Variants in FSTL5 observed in about 807,000 individuals in gnomAD.
FSTL5 encodes follistatin like 5, also known as follistatin-related protein 5.
FSTL5 carries 62 observed loss-of-function variants against 89.1 expected under a neutral mutation model. The ratio of observed to expected loss-of-function variants is 0.70; its 90% confidence interval spans 0.57 to 0.86. The LOEUF (loss-of-function observed/expected upper bound fraction) is 0.86. Among genes scored for constraint, FSTL5 ranks in the 40% least tolerant of loss-of-function variants. The pLI is 0.00. For synonymous variants in FSTL5, 383 were observed against 346.2 expected (o/e 1.11, Z -1.18); for missense variants, 1,057 against 1,001.6 (o/e 1.06, Z -0.75).
At chr4:161,403,124 C>G (rs1029626679) in intron 15 of FSTL5, among the ~76,000 whole-genome samples, 34 of 152,266 alleles carry the variant, frequency 2.2e-4, no homozygotes, top group Admixed American at 7.8e-4. Context: ...CCATGGCGCC[C>G]GGCCCCCAGA....
chr4:161,492,832 T>A (rs1413140490), intron 12 of FSTL5, among the ~76,000 whole-genome samples: 1 of 152,058 alleles, frequency 6.6e-6, no homozygotes, highest in Non-Finnish European at 1.5e-5. Context: ...GACAACATGG[T>A]ATATAAAATA....
chr4:161,817,714 A>G (rs359140), intron 4 of FSTL5, among the ~76,000 whole-genome samples: 3,729 of 152,322 alleles, frequency 0.024, 109 homozygotes, highest in African/African-American at 0.072. Flanking sequence ...AGTCATGTAC[A>G]TGTGCGTGTG....
intron 5 of FSTL5, among the ~76,000 whole-genome samples, chr4:161,772,013 T>A (rs527580867): frequency 1.3e-5 from 2 of 152,184 alleles, no homozygotes; most frequent in East Asian, 1.9e-4. Context: ...CTTTTTGCTA[T>A]GACAACCTGC....
rs1364332996 is a variant in FSTL5 at position 161,620,187 on chromosome 4, T to G, written c.895-32612A>C. Among the ~76,000 whole-genome samples the G allele has an allele frequency of 3.2e-3, 298 of 94,570 alleles. 3 individuals are homozygous for G. The highest frequency in any genetic ancestry group is 0.013 in the African/African-American group (293 of 23,276). 62.0% of individuals were successfully genotyped at this position (94,570 alleles called of 152,430 possible). On this transcript the variant is annotated intron_variant, in intron 7 of 15. Coordinates refer to ENST00000306100, the MANE Select transcript of FSTL5 (RefSeq NM_020116.5). ...GGGAACATCACACTCTGGGGACTGT[T>G]GTGGGGTGGGGGGAGGGGGGAGGGA...
intron 4 of FSTL5, among the ~76,000 whole-genome samples, chr4:161,883,992 C>T (rs540207411): frequency 1.4e-4 from 22 of 152,148 alleles, no homozygotes; most frequent in African/African-American, 4.6e-4. Flanking sequence ...TTATGCTTAG[C>T]GGTCAGAATT....
At chr4:161,635,388 AAAAC>A (rs553570093) in intron 7 of FSTL5, among the ~76,000 whole-genome samples, 5 of 152,138 alleles carry the variant, frequency 3.3e-5, no homozygotes, top group African/African-American at 1.2e-4. Context: ...ACTCTGTCTC[AAAAC>A]AAACAAACAA....
intron 2 of FSTL5, among the ~76,000 whole-genome samples, chr4:162,058,574 C>A (rs922653889): frequency 6.6e-6 from 1 of 151,406 alleles, no homozygotes. Context: ...ATTACAGGCA[C>A]GCACCACCAT....
Position 161,587,857 on chromosome 4 carries a change from G to A in FSTL5, c.895-282C>T, listed in dbSNP as rs146988604. On this transcript the variant is annotated intron_variant, in intron 7 of 15. Coordinates refer to ENST00000306100, the MANE Select transcript of FSTL5 (RefSeq NM_020116.5). ...AAAGTAACTTAATTTCCACATATGT[G>A]TTCTAATTTAGTTCCCATTTTTAAG... is the stretch of plus-strand genomic sequence containing the variant. Among the ~76,000 whole-genome samples the A allele has an allele frequency of 6.5e-3, 984 of 152,084 alleles. 4 individuals carry two copies. The highest frequency in any genetic ancestry group is 0.01 in the Non-Finnish European group (687 of 67,984).
chr4:161,874,566 A>ATTTTT (rs375519679), intron 4 of FSTL5, among the ~76,000 whole-genome samples: 12,682 of 135,620 alleles, frequency 0.094, 812 homozygotes, highest in Non-Finnish European at 0.13. Flanking sequence ...TATATTTTAG[A>ATTTTT]TTTTTTTTTT....
chr4:162,133,418 C>T (rs1732400254), intron 1 of FSTL5, among the ~76,000 whole-genome samples: 1 of 152,170 alleles, frequency 6.6e-6, no homozygotes. Context: ...TTTTACAGCA[C>T]ACCAGGTAGG....
In FSTL5 at chr4:161,939,260, T is replaced by G. The variant is rs1027620588; in HGVS notation, c.161-18608A>C. On this transcript the variant is annotated intron_variant, in intron 3 of 15. Transcript: ENST00000306100. ...CTGATTTTCTTAGAATAAATAATTTTAAAATATCTCCATGTATTAAATTGG... is the reference window on the plus strand; with the variant it reads ...CTGATTTTCTTAGAATAAATAATTTGAAAATATCTCCATGTATTAAATTGG... Among the ~76,000 whole-genome samples, 5 of 151,980 alleles carry G rather than the reference T, an allele frequency of 3.3e-5. No homozygotes were observed. In the East Asian group the frequency reaches 9.6e-4, roughly 29 times the overall value.
At chr4:162,080,115 T>C (rs1730035387) in intron 2 of FSTL5, among the ~76,000 whole-genome samples, 1 of 151,612 alleles carries the variant, frequency 6.6e-6, no homozygotes, top group South Asian at 2.1e-4. Context: ...TTCTGCCTGG[T>C]CTATCACATA....
At chr4:161,845,276 G>A (rs1395342676) in intron 4 of FSTL5, among the ~76,000 whole-genome samples, 3 of 152,006 alleles carry the variant, frequency 2.0e-5, no homozygotes, top group African/African-American at 7.2e-5. Context: ...TTTTGTTTGA[G>A]TTTTGTTTTA....
chr4:161,876,464 A>C (rs940047485), intron 4 of FSTL5, among the ~76,000 whole-genome samples: 1 of 152,246 alleles, frequency 6.6e-6, no homozygotes, highest in African/African-American at 2.4e-5. Flanking sequence ...TTGGACAGCT[A>C]TTCATCTTAA....
At chr4:161,969,754 G>A (rs1735428663) in intron 3 of FSTL5, among the ~76,000 whole-genome samples, 2 of 152,158 alleles carry the variant, frequency 1.3e-5, no homozygotes, top group Non-Finnish European at 2.9e-5. Flanking sequence ...AGAAACAGAA[G>A]TTAGGATGAA....
chr4:161,603,797 G>C (rs1270653986), intron 7 of FSTL5, among the ~76,000 whole-genome samples: 1 of 152,042 alleles, frequency 6.6e-6, no homozygotes, highest in Non-Finnish European at 1.5e-5. Context: ...CAACGTACCT[G>C]AAAAATATTG....
rs201875392 is a variant in FSTL5 at position 161,671,163 on chromosome 4, C to CT, written c.728-14670dup. Among the ~76,000 whole-genome samples, 1,334 of 152,270 alleles carry CT rather than the reference C, an allele frequency of 8.8e-3. 14 individuals carry two copies. Among genetic ancestry groups the CT allele is most frequent in the African/African-American group, 0.029 (1,224 of 41,562 alleles). On this transcript the variant is annotated intron_variant, in intron 6 of 15. Transcript: ENST00000306100. ...AAGTTTATTGACAAATTCTTAGCTCCTTTTTTTACATTGTGCATATCACCA... is the reference window on the plus strand; with the variant it reads ...AAGTTTATTGACAAATTCTTAGCTCCTTTTTTTTACATTGTGCATATCACCA...
chr4:161,682,814 T>G (rs1285026777), intron 6 of FSTL5, among the ~76,000 whole-genome samples: 3 of 152,144 alleles, frequency 2.0e-5, no homozygotes, highest in Non-Finnish European at 4.4e-5. Flanking sequence ...TGGCATGATC[T>G]TGGCTCACTG....
chr4:161,883,897 T>C (rs1272754153), intron 4 of FSTL5, among the ~76,000 whole-genome samples: 1 of 152,234 alleles, frequency 6.6e-6, no homozygotes, highest in African/African-American at 2.4e-5. Flanking sequence ...CTCAACTCTT[T>C]GAATATTTTC....
Sources: allele counts gnomAD v4.1 joint callset (sites outside exome capture counted in the v4.1 genomes callset), GRCh38; gene constraint gnomAD v4.1.1; transcripts MANE v1.5; gene names NCBI Gene and HGNC (gene_info 2026-07-23, HGNC 2026-07-21).